FNBP4: variants seen among roughly 807,000 people sequenced by gnomAD.
The protein encoded by FNBP4 is formin binding protein 4.
A neutral mutation model predicts 119.3 loss-of-function variants in FNBP4; 34 were observed. The ratio of observed to expected loss-of-function variants is 0.28; its 90% confidence interval spans 0.22 to 0.38. FNBP4 has a LOEUF of 0.38. Among genes scored for constraint, FNBP4 ranks in the 10% least tolerant of loss-of-function variants. The probability of loss-of-function intolerance (pLI) is 1.00; values close to 1 mark genes in which losing one functional copy is unlikely to be tolerated. For missense variants in FNBP4, 1,112 were observed against 1,228.9 expected, an observed-to-expected ratio of 0.90 and a Z score of 1.42; for synonymous variants, 462 against 430.6, an observed-to-expected ratio of 1.07 and a Z score of -0.90.
rs1459686439 is a variant in FNBP4, at chr11:47,743,841, A to T, written c.1456+112T>A. ...AAGCTTCCTTCCCAGCACTTCTCCC[A>T]AAGAGTAAAAGTACAATCTCCTGTT... is the stretch of plus-strand genomic sequence containing the variant. On this transcript the variant is annotated intron_variant, in intron 8 of 16. Transcript: ENST00000263773. The T allele has an allele frequency of 1.6e-5, 15 of 951,174 alleles. No individual in the cohort carries two copies. The Admixed American group carries it at 3.6e-4, about 23-fold the overall frequency. 58.9% of individuals were successfully genotyped at this position (951,174 alleles called of 1,614,324 possible).
intron 14 of FNBP4, 64 bp downstream of exon 14, chr11:47,723,964 C>T (rs1255047581): frequency 6.9e-7 from 1 of 1,442,344 alleles, no homozygotes; most frequent in Non-Finnish European, 9.4e-7. Context: ...GTTTTTATGG[C>T]ATCTAATGCT....
At chr11:47,727,488 T>C (rs2097562472) in intron 12 of FNBP4, among the ~76,000 whole-genome samples, 1 of 152,150 alleles carries the variant, frequency 6.6e-6, no homozygotes, top group Non-Finnish European at 1.5e-5. Context: ...TGACCTCAAG[T>C]GATCTGTGTG....
chr11:47,757,414 G>A (rs1293725134), intron 2 of FNBP4, among the ~76,000 whole-genome samples: 5 of 151,708 alleles, frequency 3.3e-5, no homozygotes, highest in Admixed American at 1.3e-4. Context: ...GGGTTTCACC[G>A]TGTTAGCCAG....
chr11:47,723,931 C>T, intron 14 of FNBP4, 97 bp downstream of exon 14: 1 of 1,068,890 alleles, frequency 9.4e-7, no homozygotes. Context: ...TCTTTGCAAT[C>T]AAGAGCCTTT....
rs965320785 is a variant in FNBP4 at position 47,767,318 on chromosome 11, G to T, written c.-30C>A. The T allele has an allele frequency of 2.8e-6, 4 of 1,453,112 alleles. No individual in the cohort carries two copies. The African/African-American group carries it at 4.4e-5, about 16-fold the overall frequency. 90.0% of individuals were successfully genotyped at this position (1,453,112 alleles called of 1,614,324 possible). ...AGCCCAAGCGCGAGCAGAGAGCGTC[G>T]GGCGGCCGAGAGGGGCGGGCACTGG... On this transcript the variant is annotated 5_prime_UTR_variant, in exon 1 of 17. Transcript: ENST00000263773.
intron 8 of FNBP4, among the ~76,000 whole-genome samples, chr11:47,743,034 C>A (rs2097584518): frequency 6.6e-6 from 1 of 151,648 alleles, no homozygotes; most frequent in Non-Finnish European, 1.5e-5. Context: ...CTATGTTGCC[C>A]AGCTAGCCTG....
chr11:47,722,007 C>CAAAAAAAAAAA (rs527328887), intron 15 of FNBP4, among the ~76,000 whole-genome samples: 1 of 41,236 alleles, frequency 2.4e-5, no homozygotes, highest in African/African-American at 8.7e-5. Flanking sequence ...GTCTCTGACT[C>CAAAAAAAAAAA]AAAAAAAAAA....
intron 6 of FNBP4, 90 bp from the exon 7 acceptor site, chr11:47,746,484 T>C (rs1237625222): frequency 1.7e-6 from 2 of 1,153,068 alleles, no homozygotes; most frequent in South Asian, 3.2e-5. Flanking sequence ...TCATATTAAC[T>C]GTTTTCAGTA....
intron 2 of FNBP4, 81 bp from the exon 3 acceptor site, chr11:47,754,745 G>A: frequency 6.8e-7 from 1 of 1,481,000 alleles, no homozygotes; most frequent in Non-Finnish European, 9.1e-7. Flanking sequence ...AGTATAACAT[G>A]TTTTTTTTAA....
chr11:47,764,525 G>GTT (rs79041891), intron 2 of FNBP4, among the ~76,000 whole-genome samples: 2 of 138,448 alleles, frequency 1.4e-5, no homozygotes, highest in Admixed American at 7.3e-5. Flanking sequence ...TGTTTTGTTT[G>GTT]TTTTTTTTTT....
chr11:47,746,041 C>T lies in FNBP4; in HGVS notation c.1245+15G>A. On this transcript the variant is annotated intron_variant, in intron 7 of 16. Transcript: ENST00000263773. ...TGAGGAAAAAACATTCTACAAGTAA[C>T]TTTCAAAAGCTTACTTTTTTCCTTT... 6.3e-7 allele frequency: 1 copy of T among 1,576,912 alleles called. No individual in the cohort carries two copies. The highest frequency in any genetic ancestry group is 8.6e-7 in the Non-Finnish European group (1 of 1,165,150).
intron 9 of FNBP4, among the ~76,000 whole-genome samples, chr11:47,735,777 A>C (rs2097573099): frequency 6.6e-6 from 1 of 152,122 alleles, no homozygotes; most frequent in Admixed American, 6.6e-5. Flanking sequence ...CAGTTTAATA[A>C]ATGGCATTAA....
Position 47,744,129 on chromosome 11 carries a change from C to G in FNBP4, c.1280G>C (p.Ser427Thr). The G allele has an allele frequency of 2.5e-6, 4 of 1,614,144 alleles. No homozygotes were observed. Among genetic ancestry groups the G allele is most frequent in the Non-Finnish European group, 3.4e-6 (4 of 1,180,012 alleles). The change falls in exon 8 of 17, where the codon AGT (serine) becomes ACT (threonine). Residue 427 changes from serine to threonine, a missense_variant. Coordinates refer to ENST00000263773, the MANE Select transcript of FNBP4 (RefSeq NM_015308.5). ...AGAACGTGGACTAGACCCTGACACA[C>G]TACCATCTCCTTCCTCCAAGGCTCG... ...ELRALEEGDG[S>T]VSGSSPRSDI...
rs115118309 is a variant in FNBP4 at position 47,736,901 on chromosome 11, T to C, written c.1457-161A>G. Among the ~76,000 whole-genome samples the C allele has an allele frequency of 7.9e-3, 1,203 of 152,264 alleles. 20 individuals are homozygous for C. Among genetic ancestry groups the C allele is most frequent in the African/African-American group, 0.028 (1,158 of 41,556 alleles). ...TCTTCAAACATGTCAGCCTACTGTC[T>C]ATATAACCCAAAAACAATTCAGGGC... On this transcript the variant is annotated intron_variant, in intron 8 of 16. Transcript: ENST00000263773.
chr11:47,717,727 T>C (rs2097551276), intron 16 of FNBP4, among the ~76,000 whole-genome samples: 1 of 152,186 alleles, frequency 6.6e-6, no homozygotes. Context: ...TTTACGTATA[T>C]GTCTAAGTGC....
At chr11:47,728,542 CT>C (rs1190394867) in intron 12 of FNBP4, among the ~76,000 whole-genome samples, 1 of 151,858 alleles carries the variant, frequency 6.6e-6, no homozygotes, top group East Asian at 1.9e-4. Context: ...GTAATTTTTC[CT>C]TTTTCTTTTT....
intron 15 of FNBP4, among the ~76,000 whole-genome samples, chr11:47,721,600 C>T (rs1367530051): frequency 1.3e-5 from 2 of 151,730 alleles, no homozygotes; most frequent in African/African-American, 4.8e-5. Flanking sequence ...TCTGTCTCCC[C>T]TCCCCCTGCC....
Position 47,723,036 on chromosome 11 carries a change from T to A in FNBP4, c.2745A>T (p.Pro915=), listed in dbSNP as rs751934423. ...GTGGCATTTTGGGAGCTGGTGGTGG[T>A]GGAGGAGGAGGAGGAGGAGGTGGTG... ...PPPPPPPPPP[P]PPPAPKMPPP... is the part of the protein sequence containing the mutation. Residue 915 remains proline (P), a synonymous_variant, in exon 15 of 17, where the codon CCA becomes CCT. Transcript: ENST00000263773. 2.6e-5 allele frequency: 40 copies of A among 1,566,782 alleles called. No homozygotes were observed. The highest frequency in any genetic ancestry group is 4.7e-5 in the East Asian group (2 of 42,928).
intron 8 of FNBP4, among the ~76,000 whole-genome samples, chr11:47,740,190 G>A (rs925489232): frequency 7.2e-5 from 11 of 151,842 alleles, no homozygotes; most frequent in Non-Finnish European, 1.0e-4. Flanking sequence ...AGAGACGGGC[G>A]GATCACCTGA....
Sources: allele counts gnomAD v4.1 joint callset (sites outside exome capture counted in the v4.1 genomes callset), GRCh38; gene constraint gnomAD v4.1.1; transcripts MANE v1.5; gene names NCBI Gene and HGNC (gene_info 2026-07-23, HGNC 2026-07-21).